The following MGAT4C variants were observed in gnomAD, a reference collection of about 807,000 sequenced individuals.
The protein encoded by MGAT4C is MGAT4 family member C.
A neutral mutation model predicts 40.1 loss-of-function variants in MGAT4C; 19 were observed. That is an observed-to-expected ratio of 0.47 (90% CI 0.33 to 0.70). The LOEUF is 0.70. MGAT4C is among the 30% of genes least tolerant of loss of function. The probability of loss-of-function intolerance (pLI) is 0.02; values close to 1 mark genes in which losing one functional copy is unlikely to be tolerated. For missense variants in MGAT4C, 491 were observed against 563.2 expected (o/e 0.87, Z 1.30); for synonymous variants, 181 against 187.1 (o/e 0.97, Z 0.27).
intron 2 of MGAT4C, among the ~76,000 whole-genome samples, chr12:86,617,124 G>A (rs1312224186): frequency 1.3e-5 from 2 of 152,082 alleles, no homozygotes; most frequent in East Asian, 1.9e-4. Context: ...TGGTTAGTTC[G>A]CTAAAAATTA....
At chr12:86,398,023 T>G (rs1335407553) in intron 3 of MGAT4C, among the ~76,000 whole-genome samples, 1 of 152,178 alleles carries the variant, frequency 6.6e-6, no homozygotes, top group African/African-American at 2.4e-5. Flanking sequence ...AAGTTTGTAT[T>G]CCGAGAAACA....
intron 1 of MGAT4C, among the ~76,000 whole-genome samples, chr12:86,180,877 G>A (rs1318117362): frequency 6.6e-6 from 1 of 152,080 alleles, no homozygotes; most frequent in Non-Finnish European, 1.5e-5. Context: ...AACCTTTGGG[G>A]GACTGTTGAG....
At chr12:86,718,277 C>A (rs552489247) in intron 2 of MGAT4C, among the ~76,000 whole-genome samples, 71 of 152,200 alleles carry the variant, frequency 4.7e-4, no homozygotes, top group African/African-American at 1.7e-3. Context: ...TTCAATAGTT[C>A]TTGTGTTGGT....
At chr12:86,502,332 CA>C (rs1438577841) in intron 2 of MGAT4C, among the ~76,000 whole-genome samples, 1 of 151,716 alleles carries the variant, frequency 6.6e-6, no homozygotes, top group Non-Finnish European at 1.5e-5. Context: ...CAATGGTTGC[CA>C]GGGGGTTGGG....
chr12:86,765,678 C>G (rs1450480415), intron 1 of MGAT4C, among the ~76,000 whole-genome samples: 1 of 152,194 alleles, frequency 6.6e-6, no homozygotes, highest in Non-Finnish European at 1.5e-5. Context: ...TCGGCAGAAA[C>G]TCTACAAGCC....
At chr12:86,790,561 C>T (rs1216656108) in intron 1 of MGAT4C, among the ~76,000 whole-genome samples, 3 of 152,120 alleles carry the variant, frequency 2.0e-5, no homozygotes, top group African/African-American at 7.2e-5. Context: ...AGCTTCCATT[C>T]ACATATCTGG....
intron 2 of MGAT4C, among the ~76,000 whole-genome samples, chr12:86,696,462 GCA>G (rs1449988203): frequency 6.6e-6 from 1 of 152,108 alleles, no homozygotes; most frequent in East Asian, 1.9e-4. Context: ...GTCATCTCAA[GCA>G]CAGTTTCACT....
intron 1 of MGAT4C, among the ~76,000 whole-genome samples, chr12:86,072,029 TGTGTGTG>T (rs1177692932): frequency 3.9e-4 from 6 of 15,246 alleles, no homozygotes; most frequent in Non-Finnish European, 1.1e-3. Flanking sequence ...TAGGGTTTTG[TGTGTGTG>T]TGTGTGTGTG....
At chr12:86,001,626 C>G in intron 2 of MGAT4C, 1 of 984,144 alleles carries the variant, frequency 1.0e-6, no homozygotes, top group South Asian at 4.7e-5. Context: ...GTACACTATA[C>G]AGAGGCTGAG....
intron 2 of MGAT4C, among the ~76,000 whole-genome samples, chr12:86,548,312 G>T (rs1385387804): frequency 6.6e-6 from 1 of 151,982 alleles, no homozygotes; most frequent in South Asian, 2.1e-4. Flanking sequence ...AACATGAGGT[G>T]CTCATTTAAT....
At chr12:86,031,618 C>G (rs1280594433) in intron 2 of MGAT4C, among the ~76,000 whole-genome samples, 1 of 151,716 alleles carries the variant, frequency 6.6e-6, no homozygotes, top group Non-Finnish European at 1.5e-5. Flanking sequence ...AAATAGCAAC[C>G]AGAAGGAAAA....
At chr12:86,603,233 A>G (rs1358943063) in intron 2 of MGAT4C, among the ~76,000 whole-genome samples, 1 of 143,500 alleles carries the variant, frequency 7.0e-6, no homozygotes, top group Non-Finnish European at 1.5e-5. Flanking sequence ...ATAATATAAT[A>G]TATTATATAA....
chr12:86,049,697 C>G lies in MGAT4C; in HGVS notation c.-30G>C. ...ACCTTAAGAAAGACGCTGTCATAAT[C>G]TGTGCTGTACAGAAACCGTTGATAC... On this transcript the variant is annotated 5_prime_UTR_variant, in exon 2 of 5. Coordinates refer to ENST00000611864, the MANE Select transcript of MGAT4C (RefSeq NM_001351288.2). 1.0e-6 allele frequency: 1 copy of G among 983,842 alleles called. No homozygotes were observed. The highest frequency in any genetic ancestry group is 1.2e-6 in the Non-Finnish European group (1 of 828,248). The allele number at this position is 983,842 out of a possible 1,614,324, so 60.9% of individuals were successfully genotyped here.
At chr12:86,326,296 TCACA>T (rs3047013) in intron 4 of MGAT4C, among the ~76,000 whole-genome samples, 2,644 of 140,766 alleles carry the variant, frequency 0.019, 48 homozygotes, top group East Asian at 0.065. Context: ...AGTATTCTCA[TCACA>T]CACACACACA....
chr12:86,457,371 T>C (rs1388343229), intron 2 of MGAT4C, among the ~76,000 whole-genome samples: 1 of 152,080 alleles, frequency 6.6e-6, no homozygotes, highest in Non-Finnish European at 1.5e-5. Flanking sequence ...ATTTACCTAG[T>C]AAAAAATACA....
At chr12:86,291,951 C>T (rs983503139) in intron 4 of MGAT4C, among the ~76,000 whole-genome samples, 5 of 152,174 alleles carry the variant, frequency 3.3e-5, no homozygotes, top group African/African-American at 1.2e-4. Flanking sequence ...TCCTTTTGGA[C>T]TCACAGTTAA....
intron 1 of MGAT4C, among the ~76,000 whole-genome samples, chr12:86,750,466 T>A (rs189619712): frequency 1.3e-5 from 2 of 152,034 alleles, no homozygotes; most frequent in African/African-American, 4.8e-5. Context: ...CCAAGGCATT[T>A]GAGTGTGAGA....
At chr12:86,587,444 G>A (rs942725514) in intron 2 of MGAT4C, among the ~76,000 whole-genome samples, 9 of 151,714 alleles carry the variant, frequency 5.9e-5, no homozygotes, top group African/African-American at 2.2e-4. Context: ...GGACTGTTTG[G>A]TTCCATATGA....
intron 1 of MGAT4C, among the ~76,000 whole-genome samples, chr12:86,836,461 G>A (rs973642854): frequency 6.6e-6 from 1 of 151,906 alleles, no homozygotes; most frequent in Non-Finnish European, 1.5e-5. Flanking sequence ...TGGGCACTCA[G>A]TAAATGTTAT....
Sources: gnomAD v4.1 joint callset for allele counts (sites outside exome capture counted in the v4.1 genomes callset) on GRCh38, gnomAD v4.1.1 for gene constraint, MANE v1.5 for transcripts, NCBI Gene and HGNC (gene_info 2026-07-23, HGNC 2026-07-21) for gene names.